RGSL1: variants seen among roughly 807,000 people sequenced by gnomAD.
RGSL1 encodes regulator of G protein signaling protein-like.
RGSL1 carries 97 observed loss-of-function variants against 124.7 expected under a neutral mutation model. The ratio of observed to expected loss-of-function variants is 0.78; its 90% CI spans 0.66 to 0.92. The LOEUF (loss-of-function observed/expected upper bound fraction) is 0.92. Ranked by LOEUF, RGSL1 falls within the 40% of genes least tolerant of loss-of-function variation. The pLI, the probability that RGSL1 is intolerant of heterozygous loss-of-function variation, is 0.00. For synonymous variants in RGSL1, 424 were observed against 438.1 expected (o/e 0.97, Z 0.40); for missense variants, 1,233 against 1,288.4 (o/e 0.96, Z 0.66).
intron 13 of RGSL1, among the ~76,000 whole-genome samples, chr1:182,531,406 AAG>A (rs951738488): frequency 1.3e-5 from 2 of 152,184 alleles, no homozygotes; most frequent in Non-Finnish European, 2.9e-5. Context: ...AAAAGGAAGA[AAG>A]AGGGGACAGG....
chr1:182,524,003 A>G (rs1658549543), intron 10 of RGSL1, among the ~76,000 whole-genome samples: 1 of 152,208 alleles, frequency 6.6e-6, no homozygotes, highest in Admixed American at 6.5e-5. Context: ...ACCCTACTCA[A>G]AGGCGAAGAT....
At chr1:182,461,984 A>G (rs1036663221) in intron 4 of RGSL1, among the ~76,000 whole-genome samples, 1 of 152,208 alleles carries the variant, frequency 6.6e-6, no homozygotes, top group African/African-American at 2.4e-5. Flanking sequence ...CTCAAACTTG[A>G]TGGAAGACAT....
intron 14 of RGSL1, 148 bp downstream of exon 14, chr1:182,532,939 C>T (rs1659285113): frequency 1.2e-6 from 1 of 818,602 alleles, no homozygotes; most frequent in Non-Finnish European, 1.8e-6. Flanking sequence ...AAGCCAGGCC[C>T]AGGCCTTCCT....
intron 14 of RGSL1, among the ~76,000 whole-genome samples, chr1:182,538,336 T>C (rs3843288): frequency 0.5 from 76,369 of 151,798 alleles, 19,671 homozygotes; most frequent in Non-Finnish European, 0.56. Flanking sequence ...GAGACCAGCC[T>C]GACCAATATG....
chr1:182,556,312 T>A (rs1258704779), intron 21 of RGSL1, 90 bp downstream of exon 21: 2 of 439,866 alleles, frequency 4.5e-6, no homozygotes, highest in African/African-American at 2.0e-5. Flanking sequence ...TTGCTCCACA[T>A]CTTCCTGGCT....
rs144974547 is a variant in RGSL1 at position 182,530,821 on chromosome 1, C to A, written c.2275C>A (p.His759Asn). 1 of 1,549,988 alleles carries A rather than the reference C, an allele frequency of 6.5e-7. No individual in the cohort carries two copies. Among genetic ancestry groups the A allele is most frequent in the Non-Finnish European group, 8.7e-7 (1 of 1,146,088 alleles). Residue 759 changes from histidine to asparagine, a missense_variant, in exon 13 of 22, where the codon CAC (histidine) becomes AAC (asparagine). Coordinates refer to ENST00000294854, the MANE Select transcript of RGSL1 (RefSeq NM_001137669.2). Reference sequence around the variant, plus strand: ...AGATTATCAAGACCTGTTCCCACCTCACCATCAGGAGGTGGAAGTGCAAAG... The same window carrying A: ...AGATTATCAAGACCTGTTCCCACCTAACCATCAGGAGGTGGAAGTGCAAAG... ...FKDYQDLFPP[H>N]HQEVEVQSEV...
intron 9 of RGSL1, among the ~76,000 whole-genome samples, chr1:182,501,605 C>T (rs563344955): frequency 1.6e-4 from 25 of 152,116 alleles, no homozygotes; most frequent in Admixed American, 1.3e-3. Context: ...AGACGTGAGC[C>T]GCTACGCCCC....
chr1:182,548,732 C>T lies in RGSL1; in HGVS notation c.2841C>T (p.Ile947=), dbSNP rs1302716057. The T allele has an allele frequency of 1.3e-6, 2 of 1,551,636 alleles. No individual in the cohort carries two copies. The highest frequency in any genetic ancestry group is 4.9e-5 in the East Asian group (2 of 40,916). Residue 947 remains isoleucine, a synonymous_variant, in exon 17 of 22, where the codon ATC becomes ATT. Coordinates refer to ENST00000294854, the MANE Select transcript of RGSL1 (RefSeq NM_001137669.2). ...VNVPEFQKDA[I]LAAITEGYLD... ...TCCCTGAGTTCCAGAAGGATGCCAT[C>T]CTTGCTGCCATCACAGAGGGCTACC...
chr1:182,476,380 T>C (rs1224997210), intron 6 of RGSL1, among the ~76,000 whole-genome samples: 1 of 152,158 alleles, frequency 6.6e-6, no homozygotes, highest in African/African-American at 2.4e-5. Context: ...CATTTTTATA[T>C]CATTCTTGAC....
At chr1:182,450,348 C>T in intron 1 of RGSL1, 170 bp downstream of exon 1, 1 of 724,928 alleles carries the variant, frequency 1.4e-6, no homozygotes, top group South Asian at 1.6e-5. Context: ...CTTCCTCCTA[C>T]CTTCTGCCAC....
chr1:182,560,007 A>G (rs1661082452), intron 21 of RGSL1, among the ~76,000 whole-genome samples: 1 of 152,254 alleles, frequency 6.6e-6, no homozygotes, highest in Non-Finnish European at 1.5e-5. Context: ...TAGCACAGTG[A>G]CATGCAGATA....
chr1:182,463,310 A>AT (rs1653006168), intron 4 of RGSL1, among the ~76,000 whole-genome samples: 1 of 151,816 alleles, frequency 6.6e-6, no homozygotes, highest in South Asian at 2.1e-4. Context: ...AAAAAAAAAA[A>AT]AGGAAATTAA....
At chr1:182,493,216 C>CA in intron 9 of RGSL1, 87 bp downstream of exon 9, 1 of 930,692 alleles carries the variant, frequency 1.1e-6, no homozygotes, top group South Asian at 1.5e-5. Context: ...CTTTAAGGAA[C>CA]ATAAGCCAAA....
chr1:182,508,887 T>C (rs1654685377), intron 9 of RGSL1, among the ~76,000 whole-genome samples: 1 of 92,484 alleles, frequency 1.1e-5, no homozygotes, highest in Non-Finnish European at 2.2e-5. Context: ...TGGTGATGAC[T>C]CTTAACGAGC....
At chr1:182,499,002 A>AGGCT (rs1045784441) in intron 9 of RGSL1, among the ~76,000 whole-genome samples, 14 of 152,298 alleles carry the variant, frequency 9.2e-5, no homozygotes, top group African/African-American at 3.1e-4. Flanking sequence ...AATGTTGGCC[A>AGGCT]GGCTGGTCTC....
intron 10 of RGSL1, among the ~76,000 whole-genome samples, chr1:182,526,797 A>G (rs1370018731): frequency 6.6e-6 from 1 of 152,192 alleles, no homozygotes; most frequent in Non-Finnish European, 1.5e-5. Flanking sequence ...CACATGTGTG[A>G]TTTTTAAAAC....
intron 15 of RGSL1, among the ~76,000 whole-genome samples, chr1:182,547,860 C>CA (rs149439475): frequency 0.018 from 2,751 of 149,796 alleles, 84 homozygotes; most frequent in African/African-American, 0.063. Context: ...GACTCCATCT[C>CA]AAAAAAAAAA....
At chr1:182,488,788 C>G (rs1221801739) in intron 7 of RGSL1, 192 bp from the exon 8 acceptor site, 1 of 477,616 alleles carries the variant, frequency 2.1e-6, no homozygotes, top group African/African-American at 2.0e-5. Flanking sequence ...AAATTTCTTC[C>G]TTATAGAAAA....
intron 8 of RGSL1, 132 bp downstream of exon 8, chr1:182,489,334 C>A: frequency 2.6e-6 from 2 of 776,654 alleles, no homozygotes; most frequent in Non-Finnish European, 4.1e-6. Flanking sequence ...GTCATCAAAA[C>A]AGCCTAAGAG....
Sources: allele counts gnomAD v4.1 joint callset (sites outside exome capture counted in the v4.1 genomes callset), GRCh38; gene constraint gnomAD v4.1.1; transcripts MANE v1.5; gene names NCBI Gene and HGNC (gene_info 2026-07-23, HGNC 2026-07-21).